The following SGIP1 variants were observed in gnomAD, a reference collection of about 807,000 sequenced individuals.
SGIP1 encodes SH3GL interacting endocytic adaptor 1.
In SGIP1, 38 loss-of-function variants were observed where a neutral mutation model predicts 107.5. The ratio of observed to expected loss-of-function variants is 0.35; its 90% CI spans 0.27 to 0.46. The LOEUF (loss-of-function observed/expected upper bound fraction) is 0.46, where lower values mean the gene tolerates loss of function less well. SGIP1 is among the 20% of genes least tolerant of loss of function. The probability of loss-of-function intolerance (pLI) is 1.00; values close to 1 mark genes in which losing one functional copy is unlikely to be tolerated. For synonymous variants in SGIP1, 365 were observed against 366.1 expected (o/e 1.00, Z 0.03); for missense variants, 929 against 1,019.5 (o/e 0.91, Z 1.21).
chr1:66,565,201 C>T (rs2059476475), intron 1 of SGIP1, among the ~76,000 whole-genome samples: 1 of 151,992 alleles, frequency 6.6e-6, no homozygotes, highest in Non-Finnish European at 1.5e-5. Context: ...ATTTGGGTGT[C>T]TCCCTTTTCA....
At position 66,749,442 on chromosome 1, in the gene SGIP1, G is replaced by GTTT. The variant is rs10646867; in HGVS notation, c.*6355_*6357dup. ...ACTCTTTTAATGAGCATTTCATAGG[G>GTTT]TTTTTTTTTTGCTGTTTTTTTTTCT... On this transcript the variant is annotated 3_prime_UTR_variant, in exon 25 of 25. Coordinates refer to ENST00000371037, the MANE Select transcript of SGIP1 (RefSeq NM_032291.4). Among the ~76,000 whole-genome samples the GTTT allele has an allele frequency of 1.5e-3, 215 of 146,644 alleles. 1 individual carries two copies. The highest frequency in any genetic ancestry group is 3.2e-3 in the South Asian group (15 of 4,640).
chr1:66,662,591 A>G (rs1188150679), intron 8 of SGIP1, among the ~76,000 whole-genome samples: 1 of 152,244 alleles, frequency 6.6e-6, no homozygotes, highest in African/African-American at 2.4e-5. Flanking sequence ...TTAGGTAGAC[A>G]TATTCATTTT....
chr1:66,651,194 A>AGAACTT (rs1489539178), intron 7 of SGIP1, among the ~76,000 whole-genome samples: 1 of 152,222 alleles, frequency 6.6e-6, no homozygotes, highest in Non-Finnish European at 1.5e-5. Flanking sequence ...AAGCTCATTG[A>AGAACTT]TGACTTTGAG....
intron 1 of SGIP1, among the ~76,000 whole-genome samples, chr1:66,583,988 G>A (rs531266702): frequency 9.9e-5 from 15 of 152,098 alleles, no homozygotes; most frequent in Non-Finnish European, 2.1e-4. Flanking sequence ...CCAACAGGAA[G>A]CCAGTGATTC....
At chr1:66,716,221 T>C (rs80166210) in intron 18 of SGIP1, among the ~76,000 whole-genome samples, 3,018 of 152,206 alleles carry the variant, frequency 0.02, 96 homozygotes, top group African/African-American at 0.068. Context: ...TCTGAGATAA[T>C]CCACTAGAGA....
chr1:66,694,532 A>G, intron 17 of SGIP1: 2 of 1,536,724 alleles, frequency 1.3e-6, no homozygotes, highest in Non-Finnish European at 1.7e-6. Flanking sequence ...TGATCTCTAG[A>G]GACCTAGATT....
At position 66,729,393 on chromosome 1, in the gene SGIP1, C is replaced by T. The variant is rs777395432; in HGVS notation, c.1872C>T (p.Val624=). 3 of 1,614,062 alleles carry T rather than the reference C, an allele frequency of 1.9e-6. No individual in the cohort carries two copies. The highest frequency in any genetic ancestry group is 1.1e-5 in the South Asian group (1 of 91,072). ...RVINFSRLEH[V]LPNPQLLCCD... The stretch of plus-strand genomic sequence containing the variant: ...TAAATTTCAGCAGGTTAGAACACGT[C>T]CTGCCAAACCCCCAACTTCTCTGCT... The change falls in exon 20 of 25, where the codon GTC becomes GTT. Residue 624 remains valine, a synonymous_variant. Transcript: ENST00000371037.
chr1:66,674,167 CAAATA>C (rs953894418), intron 12 of SGIP1, among the ~76,000 whole-genome samples: 3 of 151,966 alleles, frequency 2.0e-5, no homozygotes, highest in Admixed American at 6.5e-5. Context: ...GACCCCACCT[CAAATA>C]AAATAAAATA....
chr1:66,657,674 C>T (rs2080062271), intron 7 of SGIP1, among the ~76,000 whole-genome samples: 1 of 152,044 alleles, frequency 6.6e-6, no homozygotes, highest in South Asian at 2.1e-4. Context: ...CACTTTTCAA[C>T]AAGCTTTGTC....
At chr1:66,580,485 T>G (rs1402791405) in intron 1 of SGIP1, among the ~76,000 whole-genome samples, 5 of 152,148 alleles carry the variant, frequency 3.3e-5, no homozygotes, top group Admixed American at 3.3e-4. Flanking sequence ...CCTATCTACC[T>G]GAATCTGCTT....
chr1:66,556,615 C>T (rs2058215085), intron 1 of SGIP1, among the ~76,000 whole-genome samples: 1 of 152,034 alleles, frequency 6.6e-6, no homozygotes, highest in African/African-American at 2.4e-5. Flanking sequence ...CACTGGTACC[C>T]TCAAAAACCA....
chr1:66,743,037 C>A, intron 24 of SGIP1, 36 bp from the exon 25 acceptor site: 1 of 1,612,306 alleles, frequency 6.2e-7, no homozygotes, highest in Non-Finnish European at 8.5e-7. Flanking sequence ...TATTGAACTA[C>A]CAGATAACCT....
At chr1:66,722,681 A>G (rs1393484733) in intron 19 of SGIP1, among the ~76,000 whole-genome samples, 1 of 152,234 alleles carries the variant, frequency 6.6e-6, no homozygotes, top group South Asian at 2.1e-4. Flanking sequence ...AATATGGTGC[A>G]GTGGGAGTTA....
chr1:66,698,726 G>T (rs562788232), intron 18 of SGIP1, among the ~76,000 whole-genome samples: 7 of 152,194 alleles, frequency 4.6e-5, no homozygotes, highest in African/African-American at 1.7e-4. Context: ...TCCTATTGAA[G>T]CTATCAAGTA....
chr1:66,592,887 TCTTCTTCTTC>T (rs2063886388), intron 1 of SGIP1, among the ~76,000 whole-genome samples: 1 of 143,150 alleles, frequency 7.0e-6, no homozygotes, highest in African/African-American at 2.6e-5. Context: ...CTTCTTTCTT[TCTTCTTCTTC>T]TTTTTTTTTT....
At chr1:66,679,328 C>T (rs1272441587) in intron 13 of SGIP1, among the ~76,000 whole-genome samples, 1 of 152,102 alleles carries the variant, frequency 6.6e-6, no homozygotes, top group Non-Finnish European at 1.5e-5. Flanking sequence ...CCCTTGAGGC[C>T]AAAGACTATT....
chr1:66,637,883 A>G (rs991394875), intron 4 of SGIP1, among the ~76,000 whole-genome samples: 3 of 151,010 alleles, frequency 2.0e-5, no homozygotes, highest in African/African-American at 7.3e-5. Context: ...AAATATATAT[A>G]TATATAAACT....
intron 20 of SGIP1, among the ~76,000 whole-genome samples, chr1:66,729,888 G>A (rs1158160770): frequency 6.6e-6 from 1 of 152,076 alleles, no homozygotes; most frequent in Non-Finnish European, 1.5e-5. Flanking sequence ...TGCAACCTCC[G>A]CCTCCTGGGT....
intron 1 of SGIP1, among the ~76,000 whole-genome samples, chr1:66,571,289 A>G (rs567190459): frequency 6.6e-6 from 1 of 152,164 alleles, no homozygotes; most frequent in Admixed American, 6.6e-5. Context: ...GAGGGAAGAG[A>G]AAGTGCTCTC....
Sources: allele counts gnomAD v4.1 joint callset (sites outside exome capture counted in the v4.1 genomes callset), GRCh38; gene constraint gnomAD v4.1.1; transcripts MANE v1.5; gene names NCBI Gene and HGNC (gene_info 2026-07-23, HGNC 2026-07-21).